The following BICD2 variants were observed in gnomAD, a reference collection of about 807,000 sequenced individuals.
BICD2 encodes the protein BICD cargo adaptor 2.
In BICD2, 25 loss-of-function variants were observed where a neutral mutation model predicts 72.9. The ratio of observed to expected loss-of-function variants is 0.34; its 90% CI spans 0.25 to 0.48. The LOEUF (loss-of-function observed/expected upper bound fraction) is 0.48. BICD2 is among the 20% of genes least tolerant of loss of function. The pLI is 0.99. For synonymous variants in BICD2, 501 were observed against 516.1 expected, an observed-to-expected ratio of 0.97 and a Z score of 0.40; for missense variants, 894 against 1,175.2, an observed-to-expected ratio of 0.76 and a Z score of 3.50.
intron 1 of BICD2, among the ~76,000 whole-genome samples, chr9:92,758,769 G>A (rs1409318872): frequency 2.0e-5 from 3 of 151,504 alleles, no homozygotes; most frequent in Non-Finnish European, 4.4e-5. Context: ...CAGGAGAATC[G>A]CTGGAACCTG....
intron 1 of BICD2, among the ~76,000 whole-genome samples, chr9:92,731,411 G>T (rs1456403546): frequency 6.6e-6 from 1 of 151,752 alleles, no homozygotes; most frequent in Non-Finnish European, 1.5e-5. Context: ...CTGAGATACA[G>T]ACTTCCGCGT....
rs201091707 is a variant in BICD2 at position 92,720,786 on chromosome 9, A to C, written c.607-31T>G. ...AAGAGAAGTCAACGCTCTTGCATCAATGCAATGTGGAAGCTCCTTTCAGGC... is the reference window on the plus strand; with the variant it reads ...AAGAGAAGTCAACGCTCTTGCATCACTGCAATGTGGAAGCTCCTTTCAGGC... On this transcript the variant is annotated intron_variant, in intron 3 of 6. Coordinates refer to ENST00000356884, the MANE Select transcript of BICD2 (RefSeq NM_001003800.2). The surrounding 1 kb of genome is among the most constrained non-coding windows in gnomAD (Gnocchi z 5.4). 8 of 1,599,034 alleles carry C rather than the reference A, an allele frequency of 5.0e-6. No homozygotes were observed. The East Asian group carries it at 1.6e-4, about 31-fold the overall frequency.
In BICD2 at chr9:92,722,717, G is replaced by A. The variant is rs778241123; in HGVS notation, c.545C>T (p.Ser182Leu). 8.1e-6 allele frequency: 13 copies of A among 1,614,202 alleles called. No individual in the cohort carries two copies. Among genetic ancestry groups the A allele is most frequent in the Middle Eastern group, 3.3e-4 (2 of 6,062 alleles). ...GCTGATGTTCTCCTCCTCCAGTTCCGAGTAGTCCTGCAGCAGACGAGCTTC... is the reference window on the plus strand; with the variant it reads ...GCTGATGTTCTCCTCCTCCAGTTCCAAGTAGTCCTGCAGCAGACGAGCTTC... Reference protein sequence around the residue: ...FREARLLQDYSELEEENISLQ... With the variant: ...FREARLLQDYLELEEENISLQ... The change falls in exon 3 of 7, where the codon TCG becomes TTG. Residue 182 changes from serine (S) to leucine (L), a missense_variant. By Grantham distance (145) the Ser-to-Leu change is moderately radical. Transcript: ENST00000356884.
At chr9:92,763,150 G>A (rs1167142209) in intron 1 of BICD2, among the ~76,000 whole-genome samples, 1 of 152,174 alleles carries the variant, frequency 6.6e-6, no homozygotes, top group Non-Finnish European at 1.5e-5. Flanking sequence ...CCCAGGGTCA[G>A]CCATTGACTG....
intron 2 of BICD2, among the ~76,000 whole-genome samples, chr9:92,727,003 C>T (rs761493857): frequency 6.6e-6 from 1 of 152,190 alleles, no homozygotes; most frequent in Non-Finnish European, 1.5e-5. Context: ...ACGGGCCAGA[C>T]AGATGGCAGC....
At position 92,717,782 on chromosome 9, in the gene BICD2, C is replaced by T. The variant is rs140501870; in HGVS notation, c.2258+15G>A. On this transcript the variant is annotated intron_variant, in intron 6 of 6. Coordinates refer to ENST00000356884, the MANE Select transcript of BICD2 (RefSeq NM_001003800.2). Reference sequence around the variant, plus strand: ...GGCCTTGTGGAAGGGGAGGGCCCGACAGCAGCACGGTTACCTGGTGGCAAA... The same window carrying T: ...GGCCTTGTGGAAGGGGAGGGCCCGATAGCAGCACGGTTACCTGGTGGCAAA... 6.3e-7 allele frequency: 1 copy of T among 1,599,590 alleles called. No individual in the cohort carries two copies. The highest frequency in any genetic ancestry group is 8.5e-7 in the Non-Finnish European group (1 of 1,173,176).
intron 3 of BICD2, among the ~76,000 whole-genome samples, chr9:92,721,199 A>G (rs1258722924): frequency 2.0e-5 from 3 of 152,258 alleles, no homozygotes; most frequent in African/African-American, 7.2e-5. Flanking sequence ...AAGTTATTTA[A>G]TTAACATTAA....
At chr9:92,737,668 C>T (rs1853816856) in intron 1 of BICD2, among the ~76,000 whole-genome samples, 1 of 152,180 alleles carries the variant, frequency 6.6e-6, no homozygotes. Flanking sequence ...TCATTCTTTC[C>T]TGACGCCAGT....
chr9:92,720,089 C>T lies in BICD2; in HGVS notation c.1062+211G>A, dbSNP rs928270083. Among the ~76,000 whole-genome samples, 1 of 152,218 alleles carries T rather than the reference C, an allele frequency of 6.6e-6. No homozygotes were observed. The highest frequency in any genetic ancestry group is 6.5e-5 in the Admixed American group (1 of 15,286). On this transcript the variant is annotated intron_variant, in intron 4 of 6. Transcript: ENST00000356884. The surrounding 1 kb of genome is among the most constrained non-coding windows in gnomAD (Gnocchi z 5.4). ...TGACACCACGTAGTTAACAGGGGAG[C>T]AATGTGGGTGCTGCAGTGCCAGGAA...
Position 92,720,574 on chromosome 9 carries a change from T to C in BICD2, c.788A>G (p.His263Arg), listed in dbSNP as rs905682709. 10 of 1,614,036 alleles carry C rather than the reference T, an allele frequency of 6.2e-6. 1 individual carries two copies. The highest frequency in any genetic ancestry group is 3.3e-4 in the Middle Eastern group (2 of 6,084). Reference protein sequence around the residue: ...QKNSLRKELSHYMSINDSFYT... With the variant: ...QKNSLRKELSRYMSINDSFYT... ...GAAGGAGTCATTGATGCTCATGTAG[T>C]GTGACAGCTCCTTGCGCAGGCTGTT... Residue 263 changes from histidine (H) to arginine (R), a missense_variant, in exon 4 of 7, where the codon CAC (histidine) becomes CGC (arginine). Physicochemically the swap from His to Arg is conservative, Grantham distance 29. Transcript: ENST00000356884. The surrounding 1 kb of genome is among the most constrained non-coding windows in gnomAD (Gnocchi z 5.4).
intron 1 of BICD2, among the ~76,000 whole-genome samples, chr9:92,733,811 C>CA (rs1447280241): frequency 6.6e-6 from 1 of 150,756 alleles, no homozygotes; most frequent in East Asian, 2.0e-4. Flanking sequence ...ACTAAAAATA[C>CA]AAAAAATTAG....
chr9:92,748,247 C>T (rs904079514), intron 1 of BICD2, among the ~76,000 whole-genome samples: 6 of 152,174 alleles, frequency 3.9e-5, no homozygotes, highest in African/African-American at 7.2e-5. Context: ...TACAGAGAGG[C>T]ATCCCAGGTT....
chr9:92,721,378 G>C (rs577868483), intron 3 of BICD2, among the ~76,000 whole-genome samples: 5 of 152,330 alleles, frequency 3.3e-5, no homozygotes, highest in African/African-American at 1.2e-4. Flanking sequence ...GGAGCTCGAA[G>C]GTAGGTGGGA....
intron 1 of BICD2, among the ~76,000 whole-genome samples, chr9:92,753,828 C>T (rs934599622): frequency 1.3e-5 from 2 of 151,860 alleles, no homozygotes; most frequent in South Asian, 2.1e-4. Context: ...CGTGAGCCAC[C>T]GTGCCCGGCC....
Position 92,715,414 on chromosome 9 carries a change from C to T in BICD2, c.2308G>A (p.Ala770Thr). 1 of 1,604,500 alleles carries T rather than the reference C, an allele frequency of 6.2e-7. No individual in the cohort carries two copies. Residue 770 changes from alanine (A) to threonine (T), a missense_variant, in exon 7 of 7, where the codon GCT (alanine) becomes ACT (threonine). By Grantham distance (58) the Ala-to-Thr change is moderately conservative. Coordinates refer to ENST00000356884, the MANE Select transcript of BICD2 (RefSeq NM_001003800.2). ...AGCGTCTTCTTCTCGTCCTCAGCAG[C>T]CGCCAGCTGCCGCTGCATCTCATCC... is the stretch of plus-strand genomic sequence containing the variant. ...QLDEMQRQLA[A>T]AEDEKKTLNS...
chr9:92,754,480 C>T lies in BICD2; in HGVS notation c.240+10025G>A, dbSNP rs145450775. ...AACAAATTTACATTTTCAAAAGACA[C>T]GTTATAGCAGAACTGTGCTTCACAG... On this transcript the variant is annotated intron_variant, in intron 1 of 6. Coordinates refer to ENST00000356884, the MANE Select transcript of BICD2 (RefSeq NM_001003800.2). Among the ~76,000 whole-genome samples the T allele has an allele frequency of 2.8e-3, 427 of 152,268 alleles. 1 individual carries two copies. The highest frequency in any genetic ancestry group is 4.9e-3 in the Admixed American group (75 of 15,296).
intron 1 of BICD2, among the ~76,000 whole-genome samples, chr9:92,734,557 C>G (rs941903002): frequency 6.6e-6 from 1 of 151,754 alleles, no homozygotes; most frequent in Non-Finnish European, 1.5e-5. Flanking sequence ...CCACCTCCCC[C>G]ACCCCCAACC....
intron 1 of BICD2, among the ~76,000 whole-genome samples, chr9:92,739,724 C>T (rs1469159110): frequency 1.3e-5 from 2 of 152,180 alleles, no homozygotes; most frequent in Non-Finnish European, 2.9e-5. Context: ...CAGACTTGCC[C>T]CCCCAAAACT....
At chr9:92,744,091 A>C (rs1051565820) in intron 1 of BICD2, among the ~76,000 whole-genome samples, 2 of 152,244 alleles carry the variant, frequency 1.3e-5, no homozygotes, top group African/African-American at 2.4e-5. Context: ...CAACAGACAC[A>C]GGCAACAGCC....
Sources: gnomAD v4.1 joint callset for allele counts (sites outside exome capture counted in the v4.1 genomes callset) on GRCh38, gnomAD v4.1.1 for gene constraint, Gnocchi (gnomAD v3.1) non-coding constraint, MANE v1.5 for transcripts, NCBI Gene and HGNC (gene_info 2026-07-23, HGNC 2026-07-21) for gene names.